Variants in TRABD2B observed in about 807,000 individuals in gnomAD.
TRABD2B encodes the protein metalloprotease TIKI2.
In TRABD2B, 14 loss-of-function variants were observed where a neutral mutation model predicts 40.1. That is an observed-to-expected ratio of 0.35 (90% CI 0.23 to 0.55). The LOEUF (loss-of-function observed/expected upper bound fraction) is 0.55, where lower values mean the gene tolerates loss of function less well. Among genes scored for constraint, TRABD2B ranks in the 20% least tolerant of loss-of-function variants. The pLI is 0.90. For missense variants in TRABD2B, 541 were observed against 648.6 expected, an observed-to-expected ratio of 0.83 and a Z score of 1.80; for synonymous variants, 263 against 277.0, an observed-to-expected ratio of 0.95 and a Z score of 0.50.
chr1:47,773,659 G>A (rs899941379), intron 6 of TRABD2B, among the ~76,000 whole-genome samples: 4 of 152,192 alleles, frequency 2.6e-5, no homozygotes, highest in Non-Finnish European at 5.9e-5. Context: ...TTTCATGATT[G>A]TGAGGCTTCC....
intron 2 of TRABD2B, among the ~76,000 whole-genome samples, chr1:47,951,462 C>T (rs570955543): frequency 5.2e-4 from 79 of 152,280 alleles, no homozygotes; most frequent in South Asian, 4.2e-3. Context: ...GACTGGATGC[C>T]GTCCTCCCAG....
At chr1:47,828,079 G>C (rs1645199923) in intron 2 of TRABD2B, among the ~76,000 whole-genome samples, 1 of 152,128 alleles carries the variant, frequency 6.6e-6, no homozygotes, top group Non-Finnish European at 1.5e-5. Context: ...TTCCTTGCAG[G>C]CCTGCCTGAG....
intron 2 of TRABD2B, among the ~76,000 whole-genome samples, chr1:47,949,401 CTTTT>C (rs35027686): frequency 3.7e-5 from 3 of 80,280 alleles, no homozygotes; most frequent in African/African-American, 9.5e-5. Flanking sequence ...TCTTTTCTTT[CTTTT>C]TTTTTTTTTT....
chr1:47,828,535 C>A (rs1021915651), intron 2 of TRABD2B, among the ~76,000 whole-genome samples: 2 of 152,202 alleles, frequency 1.3e-5, no homozygotes, highest in Non-Finnish European at 2.9e-5. Flanking sequence ...GTTTGTAGAA[C>A]AAATAATAAA....
At chr1:47,768,974 T>G (rs1644344048) in intron 6 of TRABD2B, among the ~76,000 whole-genome samples, 1 of 152,168 alleles carries the variant, frequency 6.6e-6, no homozygotes, top group Non-Finnish European at 1.5e-5. Context: ...AATGAACAGA[T>G]GAGCAAACCC....
intron 4 of TRABD2B, among the ~76,000 whole-genome samples, chr1:47,779,672 CTG>C (rs1283212096): frequency 1.3e-5 from 2 of 152,060 alleles, no homozygotes; most frequent in African/African-American, 4.8e-5. Flanking sequence ...TCTCCCCCAC[CTG>C]CTCAATGTGG....
At chr1:47,770,723 A>T (rs1644366801) in intron 6 of TRABD2B, among the ~76,000 whole-genome samples, 1 of 151,926 alleles carries the variant, frequency 6.6e-6, no homozygotes, top group African/African-American at 2.4e-5. Flanking sequence ...CACTAGCACT[A>T]AATGCAGTAT....
chr1:47,820,561 C>T (rs1016633467), intron 2 of TRABD2B, among the ~76,000 whole-genome samples: 4 of 152,148 alleles, frequency 2.6e-5, no homozygotes, highest in Admixed American at 6.5e-5. Context: ...AGGTCAGCAG[C>T]GGTGGGCAGG....
intron 2 of TRABD2B, among the ~76,000 whole-genome samples, chr1:47,834,412 C>T (rs1229189208): frequency 6.6e-6 from 1 of 152,172 alleles, no homozygotes; most frequent in Admixed American, 6.5e-5. Context: ...AAGCATAGGG[C>T]TGTGTAAATG....
In TRABD2B at chr1:47,801,519, T is replaced by C. The variant is rs772993491; in HGVS notation, c.767A>G (p.Asn256Ser). ...YTTEDLIKHY[N>S]CGDLSAVIFN... is the part of the protein sequence containing the mutation. ...GATGACTGCGCTGAGGTCTCCGCAGTTGTAGTGCTTGATGAGGTCCTCCGT... is the reference window on the plus strand; with the variant it reads ...GATGACTGCGCTGAGGTCTCCGCAGCTGTAGTGCTTGATGAGGTCCTCCGT... Residue 256 changes from asparagine (N) to serine (S), a missense_variant, in exon 3 of 7, where the codon AAC (asparagine) becomes AGC (serine). Physicochemically the swap from Asn to Ser is conservative, Grantham distance 46 (BLOSUM62 1). This residue lies in a region of TRABD2B where 369 missense variants were observed against 492.8 expected (regional missense o/e 0.75). Coordinates refer to ENST00000606738, the MANE Select transcript of TRABD2B (RefSeq NM_001194986.2). 2 of 1,536,046 alleles carry C rather than the reference T, an allele frequency of 1.3e-6. No homozygotes were observed. The highest frequency in any genetic ancestry group is 1.7e-4 in the Middle Eastern group (1 of 5,990).
At position 47,778,661 on chromosome 1, in the gene TRABD2B, G is replaced by A. The variant is rs556359008; in HGVS notation, c.989-117C>T. 8.3e-6 allele frequency: 6 copies of A among 720,282 alleles called. No individual in the cohort carries two copies. The East Asian group carries it at 1.4e-4, about 16-fold the overall frequency. The allele number at this position is 720,282 out of a possible 1,614,324, so 44.6% of individuals were successfully genotyped here. On this transcript the variant is annotated intron_variant, in intron 4 of 6. Coordinates refer to ENST00000606738, the MANE Select transcript of TRABD2B (RefSeq NM_001194986.2). ...GCCAGTGACCTACACCAAAGTCAAT[G>A]CCCCAGATTCCCTGAGAGGCAGTAT...
At chr1:47,936,399 A>G (rs1645107167) in intron 2 of TRABD2B, among the ~76,000 whole-genome samples, 1 of 152,256 alleles carries the variant, frequency 6.6e-6, no homozygotes, top group South Asian at 2.1e-4. Context: ...AAACAACAGG[A>G]AAGGTGAACA....
At chr1:47,882,292 C>T (rs375575610) in intron 2 of TRABD2B, among the ~76,000 whole-genome samples, 1 of 152,218 alleles carries the variant, frequency 6.6e-6, no homozygotes, top group Non-Finnish European at 1.5e-5. Flanking sequence ...GTGTGCCTGA[C>T]CACCCGCCAC....
chr1:47,952,657 GTCTA>G (rs1381851773), intron 2 of TRABD2B, among the ~76,000 whole-genome samples: 2 of 152,162 alleles, frequency 1.3e-5, no homozygotes, highest in African/African-American at 2.4e-5. Flanking sequence ...ACATGTGTCT[GTCTA>G]TCTCTCCCAC....
intron 2 of TRABD2B, among the ~76,000 whole-genome samples, chr1:47,883,168 G>T (rs1644327866): frequency 6.6e-6 from 1 of 152,236 alleles, no homozygotes; most frequent in Non-Finnish European, 1.5e-5. Flanking sequence ...TACCCAGCTT[G>T]TAGGCCAGGA....
rs572198550 is a variant in TRABD2B at position 47,846,524 on chromosome 1, A to G, written c.667-44905T>C. On this transcript the variant is annotated intron_variant, in intron 2 of 6. Coordinates refer to ENST00000606738, the MANE Select transcript of TRABD2B (RefSeq NM_001194986.2). Reference sequence around the variant, plus strand: ...CTTCATTTCCTCACCTGTGGAGGGGATTGATTGTGACCCTCACGTCTGAGG... The same window carrying G: ...CTTCATTTCCTCACCTGTGGAGGGGGTTGATTGTGACCCTCACGTCTGAGG... Among the ~76,000 whole-genome samples the G allele has an allele frequency of 2.0e-5, 3 of 152,050 alleles. No individual in the cohort carries two copies. In the South Asian group the frequency reaches 6.3e-4, roughly 32 times the overall value.
At chr1:47,825,006 G>A (rs1046380731) in intron 2 of TRABD2B, among the ~76,000 whole-genome samples, 1 of 152,288 alleles carries the variant, frequency 6.6e-6, no homozygotes, top group African/African-American at 2.4e-5. Context: ...AGGATGAACC[G>A]CCAGCCCAAT....
At chr1:47,804,792 C>G (rs1266250076) in intron 2 of TRABD2B, among the ~76,000 whole-genome samples, 4 of 152,198 alleles carry the variant, frequency 2.6e-5, no homozygotes, top group Non-Finnish European at 2.9e-5. Context: ...TGGAGGTCAT[C>G]TGGTCCAGAG....
chr1:47,846,069 C>T (rs1645464834), intron 2 of TRABD2B, among the ~76,000 whole-genome samples: 1 of 152,160 alleles, frequency 6.6e-6, no homozygotes, highest in Non-Finnish European at 1.5e-5. Flanking sequence ...ACTTCCCATA[C>T]CTGGCTTTAT....
Sources: gnomAD v4.1 joint callset for allele counts (sites outside exome capture counted in the v4.1 genomes callset) on GRCh38, gnomAD v4.1.1 for gene constraint, gnomAD v4.1.1 regional missense constraint, MANE v1.5 for transcripts, NCBI Gene and HGNC (gene_info 2026-07-23, HGNC 2026-07-21) for gene names.